Variants in ZFHX3 observed in about 807,000 individuals in gnomAD.
The protein encoded by ZFHX3 is zinc finger homeobox protein 3.
ZFHX3 carries 42 observed loss-of-function variants against 279.1 expected under a neutral mutation model. The ratio of observed to expected loss-of-function variants is 0.15; its 90% CI spans 0.12 to 0.19. The LOEUF is 0.19. Ranked by LOEUF, ZFHX3 falls within the 10% of genes least tolerant of loss-of-function variation. The probability of loss-of-function intolerance (pLI) is 1.00; values close to 1 mark genes in which losing one functional copy is unlikely to be tolerated. For synonymous variants in ZFHX3, 2,293 were observed against 1,957.8 expected, an observed-to-expected ratio of 1.17 and a Z score of -4.52; for missense variants, 4,981 against 4,754.0, an observed-to-expected ratio of 1.05 and a Z score of -1.40.
chr16:73,876,803 G>C (rs988508878), intron 1 of ZFHX3, among the ~76,000 whole-genome samples: 2 of 152,076 alleles, frequency 1.3e-5, no homozygotes, highest in African/African-American at 4.8e-5. Context: ...TCTAGAATGA[G>C]CTTTGTTTCT....
chr16:73,453,473 C>A (rs377063608), intron 3 of ZFHX3, among the ~76,000 whole-genome samples: 1 of 152,120 alleles, frequency 6.6e-6, no homozygotes, highest in East Asian at 1.9e-4. Flanking sequence ...ACTTCCATGC[C>A]GGAAGGACAC....
At chr16:72,928,184 AGGGAGGGGGAGGG>A (rs2144274438) in intron 3 of ZFHX3, among the ~76,000 whole-genome samples, 1 of 7,988 alleles carries the variant, frequency 1.3e-4, no homozygotes, top group East Asian at 4.1e-3. Flanking sequence ...GAGGGGAGAG[AGGGAGGGGGAGGG>A]GAGCGAGGGG....
At position 72,800,154 on chromosome 16, in the gene ZFHX3, C is replaced by G. The variant is rs559464450; in HGVS notation, c.3865-25G>C. ...CCTGAGGAGCAAGAGCAAGGAGAGTCAAATGGAGAGGAAAGCGACACAAAA... is the reference window on the plus strand; with the variant it reads ...CCTGAGGAGCAAGAGCAAGGAGAGTGAAATGGAGAGGAAAGCGACACAAAA... On this transcript the variant is annotated intron_variant, in intron 7 of 9. Coordinates refer to ENST00000268489, the MANE Select transcript of ZFHX3 (RefSeq NM_006885.4). The G allele has an allele frequency of 1.9e-6, 3 of 1,585,616 alleles. No homozygotes were observed. The South Asian group carries it at 3.3e-5, about 18-fold the overall frequency.
chr16:73,835,014 C>T (rs534900940), intron 1 of ZFHX3, among the ~76,000 whole-genome samples: 2 of 152,270 alleles, frequency 1.3e-5, no homozygotes, highest in African/African-American at 2.4e-5. Context: ...AGGAGGAGAG[C>T]GATGGAGGAA....
At chr16:72,983,769 A>C (rs1205194748) in intron 1 of ZFHX3, among the ~76,000 whole-genome samples, 3 of 151,526 alleles carry the variant, frequency 2.0e-5, no homozygotes, top group Admixed American at 6.6e-5. Context: ...GCAACTCTCC[A>C]ACCACATGTC....
Position 72,812,105 on chromosome 16 carries a change from G to A in ZFHX3, c.3530-67C>T. 5 of 1,554,102 alleles carry A rather than the reference G, an allele frequency of 3.2e-6. No individual in the cohort carries two copies. In the South Asian group the frequency reaches 6.2e-5, roughly 19 times the overall value. On this transcript the variant is annotated intron_variant, in intron 5 of 9. Coordinates refer to ENST00000268489, the MANE Select transcript of ZFHX3 (RefSeq NM_006885.4). ...GGCCAGCTCCCAGAGGGTTTGTGTT[G>A]GGTGAAAATCAACATTCATTTATAG...
intron 1 of ZFHX3, among the ~76,000 whole-genome samples, chr16:73,862,200 G>C (rs906645350): frequency 6.6e-6 from 1 of 152,154 alleles, no homozygotes; most frequent in African/African-American, 2.4e-5. Context: ...AGCTCCCATG[G>C]CTGGTCTACT....
intron 3 of ZFHX3, among the ~76,000 whole-genome samples, chr16:73,437,397 T>A (rs896229779): frequency 8.5e-5 from 13 of 152,234 alleles, no homozygotes; most frequent in Non-Finnish European, 1.8e-4. Context: ...TTGTATAACA[T>A]GCCTTTTTAT....
intron 2 of ZFHX3, among the ~76,000 whole-genome samples, chr16:73,481,646 G>T (rs1567497193): frequency 1.5e-5 from 2 of 136,386 alleles, no homozygotes; most frequent in Admixed American, 6.9e-5. Flanking sequence ...TTGTTTGTTT[G>T]TTTTTGTTTG....
chr16:73,097,100 C>G (rs763776165), intron 7 of ZFHX3, among the ~76,000 whole-genome samples: 18 of 152,026 alleles, frequency 1.2e-4, no homozygotes, highest in Admixed American at 5.2e-4. Flanking sequence ...GTCACCCAGG[C>G]TGGAGTGCAG....
intron 2 of ZFHX3, among the ~76,000 whole-genome samples, chr16:73,562,613 A>AAAC (rs1323142123): frequency 1.4e-4 from 21 of 151,562 alleles, no homozygotes; most frequent in Middle Eastern, 3.2e-3. Flanking sequence ...AAAAAAAAAA[A>AAAC]AAGTGGCTGT....
intron 8 of ZFHX3, among the ~76,000 whole-genome samples, chr16:73,090,700 A>G (rs569467204): frequency 3.1e-4 from 47 of 151,236 alleles, no homozygotes; most frequent in Admixed American, 2.6e-3. Context: ...CAGCCTGGGC[A>G]ACATGGTGAA....
At chr16:73,334,090 A>C (rs968992428) in intron 3 of ZFHX3, among the ~76,000 whole-genome samples, 1 of 152,178 alleles carries the variant, frequency 6.6e-6, no homozygotes, top group Non-Finnish European at 1.5e-5. Flanking sequence ...TATGTGCTGA[A>C]AGAGGAAGGA....
chr16:73,626,989 A>C (rs2142143135), intron 2 of ZFHX3, among the ~76,000 whole-genome samples: 1 of 152,322 alleles, frequency 6.6e-6, no homozygotes, highest in Middle Eastern at 3.4e-3. Context: ...ATTGTTCTCT[A>C]TGTCAAAAAC....
chr16:73,658,317 T>G (rs1567544500), intron 2 of ZFHX3, among the ~76,000 whole-genome samples: 1 of 152,108 alleles, frequency 6.6e-6, no homozygotes, highest in Non-Finnish European at 1.5e-5. Context: ...AAAATAGAAC[T>G]TTTTTTTAAA....
chr16:73,865,057 G>C (rs956291862), intron 1 of ZFHX3, among the ~76,000 whole-genome samples: 3 of 152,220 alleles, frequency 2.0e-5, no homozygotes, highest in African/African-American at 7.2e-5. Context: ...GCCCAGGCTA[G>C]CTTCTTTATG....
At chr16:73,650,296 A>G (rs777304858) in intron 2 of ZFHX3, among the ~76,000 whole-genome samples, 1 of 151,602 alleles carries the variant, frequency 6.6e-6, no homozygotes. Flanking sequence ...AAGCCCAAAG[A>G]TGGAAGCAGA....
intron 2 of ZFHX3, among the ~76,000 whole-genome samples, chr16:73,469,619 A>G (rs1306881300): frequency 1.4e-5 from 2 of 148,036 alleles, no homozygotes; most frequent in Non-Finnish European, 1.5e-5. Context: ...CCTCCAATAT[A>G]TATATATATT....
chr16:72,944,957 T>G (rs1484818008), intron 3 of ZFHX3, among the ~76,000 whole-genome samples: 1 of 152,206 alleles, frequency 6.6e-6, no homozygotes, highest in Non-Finnish European at 1.5e-5. Flanking sequence ...ACTAAACTTT[T>G]TTTTTTCAAT....
Sources: gnomAD v4.1 joint callset for allele counts (sites outside exome capture counted in the v4.1 genomes callset) on GRCh38, gnomAD v4.1.1 for gene constraint, MANE v1.5 for transcripts, NCBI Gene and HGNC (gene_info 2026-07-23, HGNC 2026-07-21) for gene names.